The following LONP2 variants were observed in gnomAD, a reference collection of about 807,000 sequenced individuals.
LONP2 encodes lon protease homolog 2, peroxisomal.
Under a neutral mutation model 85.6 loss-of-function variants are expected in LONP2, and 60 were observed. The observed-to-expected ratio is 0.70, with a 90% CI of 0.57 to 0.87. The LOEUF (loss-of-function observed/expected upper bound fraction) is 0.87. Ranked by LOEUF, LONP2 falls within the 40% of genes least tolerant of loss-of-function variation. The pLI, the probability that LONP2 is intolerant of heterozygous loss-of-function variation, is 0.00. For missense variants in LONP2, 860 were observed against 1,063.5 expected (o/e 0.81, Z 2.66); for synonymous variants, 395 against 389.7 (o/e 1.01, Z -0.16).
chr16:48,327,491 G>A (rs926575337), intron 11 of LONP2, among the ~76,000 whole-genome samples: 2 of 151,932 alleles, frequency 1.3e-5, no homozygotes, highest in African/African-American at 4.8e-5. Context: ...GGAATCTCAC[G>A]TTGTCGCCCA....
intron 6 of LONP2, among the ~76,000 whole-genome samples, chr16:48,264,004 A>G (rs1232846915): frequency 6.6e-6 from 1 of 152,162 alleles, no homozygotes; most frequent in Non-Finnish European, 1.5e-5. Flanking sequence ...TCAAAAGGGG[A>G]GGGAGTGTGC....
chr16:48,281,655 A>C lies in LONP2; in HGVS notation c.1383+4176A>C, dbSNP rs189077561. Among the ~76,000 whole-genome samples the C allele has an allele frequency of 7.2e-5, 11 of 152,340 alleles. No homozygotes were observed. The South Asian group carries it at 1.7e-3, about 23-fold the overall frequency. On this transcript the variant is annotated intron_variant, in intron 8 of 14. Transcript: ENST00000285737. ...TTGTGTGAGTGGGCAAATAAAATGC[A>C]TGGATACAATAATTAATTGTCTTTA...
chr16:48,333,210 A>G lies in LONP2; in HGVS notation c.1796-1006A>G, dbSNP rs935205826. ...CGTTACTTGAACTGGAATTACAAAG[A>G]TTGATACAGAAGATGGTCCGATAAG... On this transcript the variant is annotated intron_variant, in intron 11 of 14. Coordinates refer to ENST00000285737, the MANE Select transcript of LONP2 (RefSeq NM_031490.5). 1.3e-5 allele frequency among the ~76,000 whole-genome samples: 2 copies of G among 152,284 alleles called. 1 individual carries two copies. Among genetic ancestry groups the G allele is most frequent in the Admixed American group, 1.3e-4 (2 of 15,302 alleles).
intron 11 of LONP2, among the ~76,000 whole-genome samples, chr16:48,328,866 G>A (rs1596989684): frequency 6.6e-6 from 1 of 151,602 alleles, no homozygotes; most frequent in African/African-American, 2.4e-5. Flanking sequence ...GGGAGCGGGA[G>A]CCAGTATATA....
Position 48,362,990 on chromosome 16 carries a change from A to G in LONP2, c.*1127A>G, listed in dbSNP as rs1025060156. On this transcript the variant is annotated 3_prime_UTR_variant, in exon 5 of 5. Coordinates refer to the LONP2 transcript ENST00000565867. This position sits in a 1 kb window ranked among gnomAD's most constrained non-coding sequence, Gnocchi z 4.2. ...ATACAAAATTTTTAAAATACAGTCT[A>G]TAACAACTATTTACATATTGTTTAC... 4.2e-5 allele frequency: 7 copies of G among 166,292 alleles called. No individual in the cohort carries two copies. Among genetic ancestry groups the G allele is most frequent in the African/African-American group, 1.7e-4 (7 of 41,240 alleles). 10.3% of individuals were successfully genotyped at this position (166,292 alleles called of 1,614,324 possible).
chr16:48,266,225 G>T (rs1029169597), intron 6 of LONP2, among the ~76,000 whole-genome samples: 1 of 151,800 alleles, frequency 6.6e-6, no homozygotes, highest in African/African-American at 2.4e-5. Flanking sequence ...GGCTAGTCTC[G>T]AACTCTTGAC....
At chr16:48,271,174 T>A (rs898291249) in intron 7 of LONP2, among the ~76,000 whole-genome samples, 1 of 151,952 alleles carries the variant, frequency 6.6e-6, no homozygotes, top group Non-Finnish European at 1.5e-5. Flanking sequence ...AGACATTATC[T>A]CAAACAAACA....
At chr16:48,257,531 TC>T (rs1428252552) in intron 3 of LONP2, among the ~76,000 whole-genome samples, 2 of 152,172 alleles carry the variant, frequency 1.3e-5, no homozygotes, top group Non-Finnish European at 2.9e-5. Flanking sequence ...TGAAAAGTAA[TC>T]CAAGTATAGA....
intron 12 of LONP2, chr16:48,336,427 A>ATGCG (rs756837824): frequency 2.2e-6 from 1 of 456,274 alleles, no homozygotes; most frequent in South Asian, 1.5e-5. Context: ...GGTGTGTCAC[A>ATGCG]TGCGTGCGTG....
intron 6 of LONP2, 85 bp downstream of exon 6, chr16:48,262,957 G>T: frequency 1.2e-6 from 1 of 820,996 alleles, no homozygotes; most frequent in East Asian, 2.7e-5. Context: ...TTACTCCACT[G>T]ATTGTCGTAC....
chr16:48,346,025 CAG>C (rs1959951958), intron 12 of LONP2: 1 of 126,758 alleles, frequency 7.9e-6, no homozygotes, highest in Non-Finnish European at 1.6e-5. Context: ...GCCCAGGCGA[CAG>C]AGTGAGACTC....
chr16:48,321,005 C>G (rs1411253404), intron 11 of LONP2, among the ~76,000 whole-genome samples: 1 of 152,084 alleles, frequency 6.6e-6, no homozygotes, highest in African/African-American at 2.4e-5. Flanking sequence ...CTGGTTTCAA[C>G]TTGCTGCAAC....
intron 14 of LONP2, 54 bp downstream of exon 14, chr16:48,348,344 T>C: frequency 8.5e-7 from 1 of 1,178,188 alleles, no homozygotes; most frequent in Non-Finnish European, 1.1e-6. Context: ...TTTTGAAAAT[T>C]AATATTATTT....
Position 48,261,373 on chromosome 16 carries a change from G to A in LONP2, c.724-51G>A, listed in dbSNP as rs74016352. 2.3e-3 allele frequency: 3,304 copies of A among 1,408,666 alleles called. 68 individuals carry two copies. In the African/African-American group the frequency reaches 0.042, roughly 18 times the overall value. The allele number at this position is 1,408,666 out of a possible 1,614,324, so 87.3% of individuals were successfully genotyped here. On this transcript the variant is annotated intron_variant, in intron 4 of 14. Coordinates refer to ENST00000285737, the MANE Select transcript of LONP2 (RefSeq NM_031490.5). ...AATCTTATGTGTACCTGGGTACTTCGTTTCCAATTTATTTTGACATACGGT... is the reference window on the plus strand; with the variant it reads ...AATCTTATGTGTACCTGGGTACTTCATTTCCAATTTATTTTGACATACGGT...
At chr16:48,295,869 A>G in intron 8 of LONP2, 146 bp from the exon 9 acceptor site, 1 of 692,538 alleles carries the variant, frequency 1.4e-6, no homozygotes, top group Non-Finnish European at 2.4e-6. Context: ...TGCAAATAAT[A>G]ATGCTCAGAT....
Position 48,356,696 on chromosome 16 carries a change from C to T in LONP2, c.*4894C>T, listed in dbSNP as rs1279524229. ...GAAATATCAAAAAGGTCTGAATAGACAACAGGCAAATATGGTGAGTGGTCA... is the reference window on the plus strand; with the variant it reads ...GAAATATCAAAAAGGTCTGAATAGATAACAGGCAAATATGGTGAGTGGTCA... On this transcript the variant is annotated 3_prime_UTR_variant, in exon 15 of 15. Coordinates refer to ENST00000285737, the MANE Select transcript of LONP2 (RefSeq NM_031490.5). The T allele has an allele frequency of 2.6e-6, 1 of 386,928 alleles. No individual in the cohort carries two copies. Among genetic ancestry groups the T allele is most frequent in the Non-Finnish European group, 5.2e-6 (1 of 192,670 alleles). The allele number at this position is 386,928 out of a possible 1,614,324, so 24.0% of individuals were successfully genotyped here.
At chr16:48,270,718 A>G (rs1972085562) in intron 7 of LONP2, among the ~76,000 whole-genome samples, 1 of 152,188 alleles carries the variant, frequency 6.6e-6, no homozygotes, top group Non-Finnish European at 1.5e-5. Flanking sequence ...ACTTCCTCTT[A>G]TGAAGGTTGG....
At chr16:48,309,762 G>A (rs1243109300) in intron 11 of LONP2, among the ~76,000 whole-genome samples, 2 of 151,964 alleles carry the variant, frequency 1.3e-5, no homozygotes, top group African/African-American at 4.8e-5. Flanking sequence ...GTGGCCTGAC[G>A]TTTGGTCTGT....
At position 48,262,802 on chromosome 16, in the gene LONP2, GC is replaced by G; in HGVS notation, c.914del (p.Pro305GlnfsTer5). On this transcript the variant is annotated frameshift_variant, in exon 6 of 15. Coordinates refer to ENST00000285737, the MANE Select transcript of LONP2 (RefSeq NM_031490.5). LOFTEE classifies it high-confidence loss of function. Reference sequence around the variant, plus strand: ...GACTCAAAAAAATGCCTCAGTCAATGCCAGAATATGCTCTGACTAGAAATTA... The same window carrying G: ...GACTCAAAAAAATGCCTCAGTCAATGCAGAATATGCTCTGACTAGAAATTA... ...KRLKKMPQSMPEYALTRNYLE... is the reference protein window; with the variant it reads ...KRLKKMPQSMXEYALTRNYLE... The G allele has an allele frequency of 6.2e-7, 1 of 1,610,980 alleles. No homozygotes were observed. The highest frequency in any genetic ancestry group is 8.5e-7 in the Non-Finnish European group (1 of 1,178,338).
Sources: allele counts gnomAD v4.1 joint callset (sites outside exome capture counted in the v4.1 genomes callset), GRCh38; gene constraint gnomAD v4.1.1; non-coding constraint Gnocchi (gnomAD v3.1); transcripts MANE v1.5; gene names NCBI Gene and HGNC (gene_info 2026-07-23, HGNC 2026-07-21).